The following CACNA1D variants were observed in gnomAD, a reference collection of about 807,000 sequenced individuals.
The protein encoded by CACNA1D is voltage-dependent L-type calcium channel subunit alpha-1D.
Under a neutral mutation model 257.1 loss-of-function variants are expected in CACNA1D, and 55 were observed. That is an observed-to-expected ratio of 0.21 (90% CI 0.17 to 0.27). CACNA1D has a LOEUF of 0.27. CACNA1D is among the 10% of genes least tolerant of loss of function. The pLI, the probability that CACNA1D is intolerant of heterozygous loss-of-function variation, is 1.00. For synonymous variants in CACNA1D, 980 were observed against 1,014.9 expected, an observed-to-expected ratio of 0.97 and a Z score of 0.65; for missense variants, 1,876 against 2,784.0, an observed-to-expected ratio of 0.67 and a Z score of 7.34.
At chr3:53,753,987 G>A (rs2095246062) in intron 29 of CACNA1D, among the ~76,000 whole-genome samples, 1 of 152,236 alleles carries the variant, frequency 6.6e-6, no homozygotes, top group Non-Finnish European at 1.5e-5. Context: ...ATATCATGCT[G>A]TGTCAGGGAA....
At chr3:53,512,502 G>A (rs1027742454) in intron 3 of CACNA1D, among the ~76,000 whole-genome samples, 2 of 152,212 alleles carry the variant, frequency 1.3e-5, no homozygotes, top group Non-Finnish European at 2.9e-5. Flanking sequence ...GGTTGGGATT[G>A]GAGAGGACAT....
At chr3:53,744,028 C>T (rs1490583310) in intron 22 of CACNA1D, among the ~76,000 whole-genome samples, 2 of 152,174 alleles carry the variant, frequency 1.3e-5, no homozygotes, top group Non-Finnish European at 2.9e-5. Context: ...TGCAGCCTTG[C>T]CCACTTCCTC....
chr3:53,658,551 G>A (rs1323719810), intron 4 of CACNA1D, among the ~76,000 whole-genome samples: 1 of 152,252 alleles, frequency 6.6e-6, no homozygotes, highest in Non-Finnish European at 1.5e-5. Flanking sequence ...GCAGTCTTCA[G>A]TCACTACCTG....
rs151094357 is a variant in CACNA1D at position 53,747,431 on chromosome 3, G to C, written c.3297G>C (p.Thr1099=). The change falls in exon 26 of 48, where the codon ACG becomes ACC. Residue 1099 remains threonine, a synonymous_variant. Transcript: ENST00000350061. ...SAMMALFTVS[T]FEGWPALLYK... Reference sequence around the variant, plus strand: ...TGATGGCGCTCTTCACAGTCTCCACGTTTGAGGGCTGGCCTGCGTAAGTAC... The same window carrying C: ...TGATGGCGCTCTTCACAGTCTCCACCTTTGAGGGCTGGCCTGCGTAAGTAC... 5 of 1,614,254 alleles carry C rather than the reference G, an allele frequency of 3.1e-6. No homozygotes were observed. In the South Asian group the frequency reaches 3.3e-5, roughly 11 times the overall value.
intron 37 of CACNA1D, among the ~76,000 whole-genome samples, chr3:53,779,820 T>A (rs2095416644): frequency 6.6e-6 from 1 of 152,042 alleles, no homozygotes; most frequent in Non-Finnish European, 1.5e-5. Context: ...CACCCAGAAA[T>A]CATGTTTAAC....
chr3:53,750,621 G>A (rs970907938), intron 27 of CACNA1D, among the ~76,000 whole-genome samples: 2 of 152,190 alleles, frequency 1.3e-5, no homozygotes, highest in African/African-American at 4.8e-5. Context: ...GTCTGGCCCA[G>A]CAATTTGCTC....
chr3:53,724,190 A>G (rs2094908761), intron 14 of CACNA1D, among the ~76,000 whole-genome samples, 191 bp downstream of exon 14: 1 of 152,160 alleles, frequency 6.6e-6, no homozygotes, highest in Non-Finnish European at 1.5e-5. Flanking sequence ...GTCTATCTTA[A>G]GTGATGTAAT....
At chr3:53,549,928 A>G (rs1235742671) in intron 3 of CACNA1D, among the ~76,000 whole-genome samples, 1 of 151,908 alleles carries the variant, frequency 6.6e-6, no homozygotes, top group Non-Finnish European at 1.5e-5. Context: ...TTTCCCTTCA[A>G]ATACTCAAAG....
At chr3:53,622,480 A>T (rs1197542457) in intron 3 of CACNA1D, among the ~76,000 whole-genome samples, 1 of 152,246 alleles carries the variant, frequency 6.6e-6, no homozygotes, top group Non-Finnish European at 1.5e-5. Flanking sequence ...AGGGACATGG[A>T]TGGAGCTAGA....
At chr3:53,605,651 G>C (rs58698180) in intron 3 of CACNA1D, among the ~76,000 whole-genome samples, 1 of 152,286 alleles carries the variant, frequency 6.6e-6, no homozygotes, top group East Asian at 1.9e-4. Flanking sequence ...AAGACATGGC[G>C]ATCCAAAATT....
chr3:53,642,252 T>C (rs2093962991), intron 3 of CACNA1D, among the ~76,000 whole-genome samples: 1 of 152,312 alleles, frequency 6.6e-6, no homozygotes, highest in South Asian at 2.1e-4. Flanking sequence ...GCTCTTCATC[T>C]CTATGTCCCC....
chr3:53,546,909 CT>C (rs1559821697), intron 3 of CACNA1D, among the ~76,000 whole-genome samples: 2 of 152,104 alleles, frequency 1.3e-5, no homozygotes, highest in African/African-American at 4.8e-5. Flanking sequence ...ACAACATGGG[CT>C]TTGTAAAGTG....
chr3:53,724,177 G>C (rs2094908702), intron 14 of CACNA1D, among the ~76,000 whole-genome samples, 178 bp downstream of exon 14: 2 of 152,142 alleles, frequency 1.3e-5, no homozygotes, highest in Admixed American at 6.5e-5. Context: ...TCATCCTCCA[G>C]CTGTCTATCT....
Position 53,657,274 on chromosome 3 carries a change from A to G in CACNA1D, c.624-2859A>G, listed in dbSNP as rs112714236. Among the ~76,000 whole-genome samples, 19 of 152,208 alleles carry G rather than the reference A, an allele frequency of 1.2e-4. 1 individual carries two copies. Among genetic ancestry groups the G allele is most frequent in the African/African-American group, 4.6e-4 (19 of 41,542 alleles). ...GAAACATTATGGTGAGCAAAAGAAGATGAGCCAGGAGAACATACTATGTGA... is the reference window on the plus strand; with the variant it reads ...GAAACATTATGGTGAGCAAAAGAAGGTGAGCCAGGAGAACATACTATGTGA... On this transcript the variant is annotated intron_variant, in intron 4 of 47. Coordinates refer to ENST00000350061, the MANE Select transcript of CACNA1D (RefSeq NM_001128840.3).
chr3:53,788,647 C>T (rs2095468741), intron 40 of CACNA1D, among the ~76,000 whole-genome samples: 1 of 152,258 alleles, frequency 6.6e-6, no homozygotes, highest in Middle Eastern at 3.4e-3. Context: ...GAGTCCCCTG[C>T]CCAGAAGATG....
intron 47 of CACNA1D, 113 bp from the exon 48 acceptor site, chr3:53,811,000 C>G (rs984092108): frequency 1.2e-6 from 1 of 818,386 alleles, no homozygotes; most frequent in African/African-American, 1.7e-5. Flanking sequence ...TGAGCTGCAT[C>G]CCCAAAGCAC....
intron 3 of CACNA1D, among the ~76,000 whole-genome samples, chr3:53,513,707 A>G (rs894209835): frequency 6.6e-6 from 1 of 152,212 alleles, no homozygotes; most frequent in South Asian, 2.1e-4. Context: ...AGGCTTTCAC[A>G]TTCACTCATC....
intron 20 of CACNA1D, among the ~76,000 whole-genome samples, chr3:53,735,912 A>C (rs2095052810): frequency 6.6e-6 from 1 of 152,240 alleles, no homozygotes; most frequent in Non-Finnish European, 1.5e-5. Flanking sequence ...CCACATGCCC[A>C]GGCTGTCTTG....
At chr3:53,754,208 A>G (rs185242975) in intron 29 of CACNA1D, among the ~76,000 whole-genome samples, 22 of 152,336 alleles carry the variant, frequency 1.4e-4, no homozygotes, top group African/African-American at 5.3e-4. Context: ...TAATTTAGAA[A>G]AATTTCACTT....
Sources: allele counts gnomAD v4.1 joint callset (sites outside exome capture counted in the v4.1 genomes callset), GRCh38; gene constraint gnomAD v4.1.1; transcripts MANE v1.5; gene names NCBI Gene and HGNC (gene_info 2026-07-23, HGNC 2026-07-21).